Variants in TARS1 observed in about 807,000 individuals in gnomAD.
TARS1 encodes threonine--tRNA ligase 1, cytoplasmic.
TARS1 carries 57 observed loss-of-function variants against 97.7 expected under a neutral mutation model. That is an observed-to-expected ratio of 0.58 (90% CI 0.47 to 0.73). The LOEUF is 0.73. Ranked by LOEUF, TARS1 falls within the 30% of genes least tolerant of loss-of-function variation. The pLI, the probability that TARS1 is intolerant of heterozygous loss-of-function variation, is 0.00. For synonymous variants in TARS1, 312 were observed against 293.7 expected, an observed-to-expected ratio of 1.06 and a Z score of -0.64; for missense variants, 806 against 888.3, an observed-to-expected ratio of 0.91 and a Z score of 1.18.
At position 33,463,769 on chromosome 5, in the gene TARS1, C is replaced by T; in HGVS notation, c.1852C>T (p.Pro618Ser). 1 of 1,612,236 alleles carries T rather than the reference C, an allele frequency of 6.2e-7. No individual in the cohort carries two copies. The highest frequency in any genetic ancestry group is 8.5e-7 in the Non-Finnish European group (1 of 1,179,154). The change falls in exon 17 of 19, where the codon CCT (proline) becomes TCT (serine). Residue 618 changes from proline to serine, a missense_variant. Pro to Ser is a moderately conservative substitution (Grantham distance 74). This residue lies in a region of TARS1 where 446 missense variants were observed against 511.0 expected (regional missense o/e 0.87). Coordinates refer to ENST00000265112, the MANE Select transcript of TARS1 (RefSeq NM_152295.5). ...CTTCCAAAGGCCCTTTTGGCTGTCCCCTCGCCAGGTAATGGTAGTTCCAGT... is the reference window on the plus strand; with the variant it reads ...CTTCCAAAGGCCCTTTTGGCTGTCCTCTCGCCAGGTAATGGTAGTTCCAGT... ...YGGKWPFWLS[P>S]RQVMVVPVGP...
chr5:33,467,799 G>C lies in TARS1; in HGVS notation c.*91G>C. On this transcript the variant is annotated 3_prime_UTR_variant, in exon 19 of 19. Transcript: ENST00000265112. ...TACTCTGAAAACGTCAATTTATATTGAACTTGGAGGAGTTTGGCAAAGTCT... is the reference window on the plus strand; with the variant it reads ...TACTCTGAAAACGTCAATTTATATTCAACTTGGAGGAGTTTGGCAAAGTCT... The C allele has an allele frequency of 7.0e-7, 1 of 1,419,062 alleles. No individual in the cohort carries two copies. The highest frequency in any genetic ancestry group is 9.4e-7 in the Non-Finnish European group (1 of 1,068,840). 87.9% of individuals were successfully genotyped at this position (1,419,062 alleles called of 1,614,324 possible).
intron 11 of TARS1, 59 bp downstream of exon 11, chr5:33,459,920 T>C: frequency 1.3e-6 from 2 of 1,554,866 alleles, no homozygotes; most frequent in South Asian, 2.4e-5. Flanking sequence ...TCATCCTGGG[T>C]TCTTCCCTCC....
rs1240723043 is a variant in TARS1 at position 33,467,716 on chromosome 5, A to G, written c.*8A>G. Reference sequence around the variant, plus strand: ...GCAGAAGAAGAATTTTAATGAAAAAATTACCCAGATTGGCTCCATGGAAAA... The same window carrying G: ...GCAGAAGAAGAATTTTAATGAAAAAGTTACCCAGATTGGCTCCATGGAAAA... On this transcript the variant is annotated 3_prime_UTR_variant, in exon 19 of 19. Transcript: ENST00000265112. 6.2e-7 allele frequency: 1 copy of G among 1,607,668 alleles called. No homozygotes were observed. The highest frequency in any genetic ancestry group is 8.5e-7 in the Non-Finnish European group (1 of 1,177,966).
chr5:33,450,164 A>T (rs1203182751), intron 3 of TARS1, among the ~76,000 whole-genome samples: 1 of 152,208 alleles, frequency 6.6e-6, no homozygotes, highest in Non-Finnish European at 1.5e-5. Flanking sequence ...TGGTTTTCAT[A>T]GAATCCATAA....
intron 5 of TARS1, 33 bp downstream of exon 5, chr5:33,455,099 T>G (rs1391815209): frequency 6.2e-7 from 1 of 1,610,756 alleles, no homozygotes; most frequent in Non-Finnish European, 8.5e-7. Flanking sequence ...AAAACTGAAG[T>G]CAATGACTAT....
intron 3 of TARS1, among the ~76,000 whole-genome samples, chr5:33,449,365 C>A (rs1321429203): frequency 7.1e-6 from 1 of 140,628 alleles, no homozygotes; most frequent in African/African-American, 3.0e-5. Context: ...ATATCTTAAA[C>A]TGGGTATTGG....
Position 33,467,952 on chromosome 5 carries a change from G to A in TARS1, c.*244G>A, listed in dbSNP as rs1213905297. On this transcript the variant is annotated 3_prime_UTR_variant, in exon 19 of 19. Coordinates refer to ENST00000265112, the MANE Select transcript of TARS1 (RefSeq NM_152295.5). ...CTCATTCAGTATCTGAGTACTGGAA[G>A]TGAAACATGAGGAATGCTTTAGTGT... The A allele has an allele frequency of 1.3e-5, 5 of 373,528 alleles. No homozygotes were observed. The highest frequency in any genetic ancestry group is 2.4e-5 in the Non-Finnish European group (5 of 210,844). The allele number at this position is 373,528 out of a possible 1,614,324, so 23.1% of individuals were successfully genotyped here.
Position 33,458,570 on chromosome 5 carries a change from A to G in TARS1, c.989A>G (p.Gln330Arg). 6.2e-7 allele frequency: 1 copy of G among 1,612,634 alleles called. No individual in the cohort carries two copies. The highest frequency in any genetic ancestry group is 8.5e-7 in the Non-Finnish European group (1 of 1,179,460). ...TTTTGCTTTTCTTTTACCCAGGACC[A>G]AGAACTATATTTCTTTCATGAACTC... is the stretch of plus-strand genomic sequence containing the variant. ...NRDHRKIGRD[Q>R]ELYFFHELSP... Residue 330 changes from glutamine to arginine, a missense_variant, in exon 10 of 19, where the codon CAA (glutamine) becomes CGA (arginine). By Grantham distance (43) the Gln-to-Arg change is conservative. This residue lies in a region of TARS1 where 446 missense variants were observed against 511.0 expected (regional missense o/e 0.87). Transcript: ENST00000265112.
At position 33,461,073 on chromosome 5, in the gene TARS1, C is replaced by A; in HGVS notation, c.1413+9C>A. On this transcript the variant is annotated intron_variant, in intron 12 of 18. Coordinates refer to ENST00000265112, the MANE Select transcript of TARS1 (RefSeq NM_152295.5). ...TCTGTGCCATGGAGCAGGTATGAGA[C>A]CCTGGGAATAAAATACTTAGAAAGA... The A allele has an allele frequency of 3.1e-6, 5 of 1,612,378 alleles. No individual in the cohort carries two copies. Among genetic ancestry groups the A allele is most frequent in the Admixed American group, 1.7e-5 (1 of 59,840 alleles).
chr5:33,457,489 A>G lies in TARS1; in HGVS notation c.984+86A>G. On this transcript the variant is annotated intron_variant, in intron 9 of 18. Coordinates refer to ENST00000265112, the MANE Select transcript of TARS1 (RefSeq NM_152295.5). ...AAATTCAGCTGCATGAAGTACTAGG[A>G]ATTTTGTTTTGAAGAGATGTTGTGG... 7 of 1,500,896 alleles carry G rather than the reference A, an allele frequency of 4.7e-6. No homozygotes were observed. In the Admixed American group the frequency reaches 1.4e-4, roughly 29 times the overall value. The allele number at this position is 1,500,896 out of a possible 1,614,324, so 93.0% of individuals were successfully genotyped here. A position where few individuals can be genotyped will look rare whatever the true frequency, so the allele number is the denominator to read the frequency against.
intron 1 of TARS1, among the ~76,000 whole-genome samples, chr5:33,443,986 G>A (rs562790925): frequency 8.6e-5 from 13 of 151,966 alleles, no homozygotes; most frequent in East Asian, 1.9e-4. Flanking sequence ...TACAAGTAAC[G>A]CATTTTATAG....
rs1040709413 is a variant in TARS1, at chr5:33,467,867, G to T, written c.*159G>T. 4 of 664,094 alleles carry T rather than the reference G, an allele frequency of 6.0e-6. No homozygotes were observed. The highest frequency in any genetic ancestry group is 7.1e-6 in the Non-Finnish European group (3 of 422,806). The allele number at this position is 664,094 out of a possible 1,614,324, so 41.1% of individuals were successfully genotyped here. On this transcript the variant is annotated 3_prime_UTR_variant, in exon 19 of 19. Coordinates refer to ENST00000265112, the MANE Select transcript of TARS1 (RefSeq NM_152295.5). Reference sequence around the variant, plus strand: ...GGCGTAACTATTTTTGACCTAGTCAGTTTTTAAACAATGTGCATTTGAAGG... The same window carrying T: ...GGCGTAACTATTTTTGACCTAGTCATTTTTTAAACAATGTGCATTTGAAGG...
chr5:33,467,584 G>A lies in TARS1; in HGVS notation c.2048G>A (p.Ser683Asn), dbSNP rs140992582. ...ILVVGEKEKI[S>N]GTVNIRTRDN... ...GTTGTTGGTGAAAAAGAGAAAATCA[G>A]TGGCACTGTTAATATCCGCACAAGA... is the stretch of plus-strand genomic sequence containing the variant. Residue 683 changes from serine (S) to asparagine (N), a missense_variant, in exon 19 of 19, where the codon AGT becomes AAT. Transcript: ENST00000265112. 1.2e-5 allele frequency: 19 copies of A among 1,610,430 alleles called. 1 individual carries two copies. In the African/African-American group the frequency reaches 2.1e-4, roughly 18 times the overall value.
intron 3 of TARS1, among the ~76,000 whole-genome samples, chr5:33,451,515 C>T (rs559074447): frequency 5.1e-4 from 78 of 152,168 alleles, no homozygotes; most frequent in African/African-American, 1.7e-3. Flanking sequence ...GCTGGGATTA[C>T]AGGCGCCCGC....
chr5:33,443,476 T>C (rs1440261963), intron 1 of TARS1, among the ~76,000 whole-genome samples: 1 of 77,414 alleles, frequency 1.3e-5, no homozygotes, highest in Non-Finnish European at 2.5e-5. Context: ...TTTTTCTTTC[T>C]TTTTTTTTTT....
chr5:33,460,716 T>C (rs951107719), intron 11 of TARS1, among the ~76,000 whole-genome samples, 186 bp from the exon 12 acceptor site: 14 of 152,280 alleles, frequency 9.2e-5, no homozygotes, highest in African/African-American at 3.4e-4. Flanking sequence ...CATTGAGTTA[T>C]AACTTATTTG....
intron 3 of TARS1, among the ~76,000 whole-genome samples, chr5:33,452,894 T>G (rs950863515): frequency 2.0e-5 from 3 of 151,886 alleles, no homozygotes; most frequent in African/African-American, 7.3e-5. Context: ...AGGCTGATGT[T>G]GGAGGATTGC....
rs868123218 is a variant in TARS1 at position 33,461,760 on chromosome 5, C to T, written c.1629+16C>T. On this transcript the variant is annotated intron_variant, in intron 14 of 18. Transcript: ENST00000265112. ...TGGCCCAAAGGTGAGCACTAAAGTA[C>T]ATTTGGGTAATATGATTTTCACTTG... 20 of 1,609,830 alleles carry T rather than the reference C, an allele frequency of 1.2e-5. No individual in the cohort carries two copies. In the Middle Eastern group the frequency reaches 2.8e-3, roughly 227 times the overall value.
chr5:33,468,039 A>G lies in TARS1; in HGVS notation c.*331A>G, dbSNP rs574026857. ...GAAAAAGTTTTCAAATTCAATTAAGATAACTAGAATTGGATTATGGTGTAA... is the reference window on the plus strand; with the variant it reads ...GAAAAAGTTTTCAAATTCAATTAAGGTAACTAGAATTGGATTATGGTGTAA... On this transcript the variant is annotated 3_prime_UTR_variant, in exon 19 of 19. Coordinates refer to ENST00000265112, the MANE Select transcript of TARS1 (RefSeq NM_152295.5). The G allele has an allele frequency of 1.2e-4, 25 of 206,944 alleles. No homozygotes were observed. Among genetic ancestry groups the G allele is most frequent in the Non-Finnish European group, 2.3e-4 (24 of 103,962 alleles). The allele number at this position is 206,944 out of a possible 1,614,324, so 12.8% of individuals were successfully genotyped here.
Sources: allele counts gnomAD v4.1 joint callset (sites outside exome capture counted in the v4.1 genomes callset), GRCh38; gene constraint gnomAD v4.1.1; regional missense constraint gnomAD v4.1.1; transcripts MANE v1.5; gene names NCBI Gene and HGNC (gene_info 2026-07-23, HGNC 2026-07-21).